The following FCHSD2 variants were observed in gnomAD, a reference collection of about 807,000 sequenced individuals.
FCHSD2 encodes the protein FCH and double SH3 domains 2, also known as F-BAR and double SH3 domains protein 2.
In FCHSD2, 38 loss-of-function variants were observed where a neutral mutation model predicts 108.1. That is an observed-to-expected ratio of 0.35 (90% CI 0.27 to 0.46). The LOEUF is 0.46. Ranked by LOEUF, FCHSD2 falls within the 20% of genes least tolerant of loss-of-function variation. The pLI is 1.00. For synonymous variants in FCHSD2, 279 were observed against 314.7 expected, an observed-to-expected ratio of 0.89 and a Z score of 1.20; for missense variants, 751 against 897.8, an observed-to-expected ratio of 0.84 and a Z score of 2.09.
chr11:72,931,096 ATTTTTT>A (rs36117770), intron 8 of FCHSD2, among the ~76,000 whole-genome samples: 1 of 115,910 alleles, frequency 8.6e-6, no homozygotes, highest in Admixed American at 8.8e-5. Context: ...CAATAATTAA[ATTTTTT>A]TTTTTTTTTT....
intron 14 of FCHSD2, among the ~76,000 whole-genome samples, chr11:72,848,625 C>A (rs1256590717): frequency 6.6e-6 from 1 of 152,166 alleles, no homozygotes; most frequent in Non-Finnish European, 1.5e-5. Context: ...ATATTGGGCA[C>A]TCTATATGTT....
intron 2 of FCHSD2, among the ~76,000 whole-genome samples, chr11:73,106,704 GT>G (rs1021515843): frequency 6.6e-6 from 1 of 152,096 alleles, no homozygotes; most frequent in African/African-American, 2.4e-5. Context: ...TTTATGCTGT[GT>G]TTTTTCTACG....
chr11:73,099,648 G>A (rs1470737674), intron 2 of FCHSD2, among the ~76,000 whole-genome samples: 1 of 152,162 alleles, frequency 6.6e-6, no homozygotes, highest in Non-Finnish European at 1.5e-5. Context: ...TACCGCCCAG[G>A]CACCCCTGAG....
At chr11:72,973,254 C>T (rs1479024350) in intron 8 of FCHSD2, among the ~76,000 whole-genome samples, 2 of 151,976 alleles carry the variant, frequency 1.3e-5, no homozygotes, top group Non-Finnish European at 2.9e-5. Context: ...GTAATCCCAG[C>T]TACTCAGGAG....
intron 18 of FCHSD2, 127 bp from the exon 19 acceptor site, chr11:72,841,086 T>A: frequency 1.4e-6 from 1 of 713,900 alleles, no homozygotes. Context: ...GAGGATTACT[T>A]GAGGCCAGAA....
At chr11:73,117,455 T>C (rs1459833350) in intron 2 of FCHSD2, among the ~76,000 whole-genome samples, 1 of 152,240 alleles carries the variant, frequency 6.6e-6, no homozygotes, top group East Asian at 1.9e-4. Flanking sequence ...ATGAACCCAC[T>C]ACCTTTCAAT....
At chr11:72,961,911 C>T (rs1474316915) in intron 8 of FCHSD2, among the ~76,000 whole-genome samples, 2 of 152,120 alleles carry the variant, frequency 1.3e-5, no homozygotes, top group African/African-American at 2.4e-5. Context: ...TGCCACATTT[C>T]GTAACAAGAA....
chr11:73,056,883 C>G (rs986825092), intron 3 of FCHSD2, among the ~76,000 whole-genome samples: 5 of 152,034 alleles, frequency 3.3e-5, no homozygotes, highest in Non-Finnish European at 5.9e-5. Flanking sequence ...GAGATTGAGA[C>G]CATCCTGGCT....
At chr11:73,087,232 A>C (rs960706240) in intron 2 of FCHSD2, among the ~76,000 whole-genome samples, 2 of 152,184 alleles carry the variant, frequency 1.3e-5, no homozygotes, top group South Asian at 4.1e-4. Context: ...AAAAATAAAA[A>C]TTTGTAAAAA....
chr11:73,058,922 A>G (rs1859097512), intron 3 of FCHSD2, among the ~76,000 whole-genome samples: 1 of 152,126 alleles, frequency 6.6e-6, no homozygotes. Flanking sequence ...ATCACTTACC[A>G]ACCAGAAATA....
intron 4 of FCHSD2, among the ~76,000 whole-genome samples, chr11:73,012,710 A>ATC (rs1273328524): frequency 6.6e-6 from 1 of 152,126 alleles, no homozygotes; most frequent in Admixed American, 6.6e-5. Context: ...ATAATTCTTC[A>ATC]TCTCTCTCCC....
At chr11:73,075,908 C>T (rs1859540007) in intron 3 of FCHSD2, among the ~76,000 whole-genome samples, 1 of 152,142 alleles carries the variant, frequency 6.6e-6, no homozygotes, top group African/African-American at 2.4e-5. Context: ...CGCTTGAGTC[C>T]AGGAGTTCGA....
intron 12 of FCHSD2, among the ~76,000 whole-genome samples, chr11:72,876,541 T>A (rs886560122): frequency 8.5e-5 from 13 of 152,364 alleles, no homozygotes; most frequent in Admixed American, 3.3e-4. Flanking sequence ...GAACTTACTA[T>A]GTATAATATC....
At chr11:73,104,014 G>C (rs1565412063) in intron 2 of FCHSD2, among the ~76,000 whole-genome samples, 1 of 152,144 alleles carries the variant, frequency 6.6e-6, no homozygotes, top group African/African-American at 2.4e-5. Context: ...ACAAATAAAT[G>C]TTTTCTGTTA....
At chr11:73,120,339 CA>C (rs1204976653) in intron 2 of FCHSD2, among the ~76,000 whole-genome samples, 1 of 152,180 alleles carries the variant, frequency 6.6e-6, no homozygotes, top group Non-Finnish European at 1.5e-5. Flanking sequence ...CTTTTAAGAA[CA>C]ATGTACATTT....
At chr11:72,980,491 T>C (rs1457985122) in intron 8 of FCHSD2, among the ~76,000 whole-genome samples, 3 of 152,018 alleles carry the variant, frequency 2.0e-5, no homozygotes, top group Admixed American at 2.0e-4. Context: ...CTATGAACTT[T>C]AACGAGGATA....
intron 2 of FCHSD2, among the ~76,000 whole-genome samples, chr11:73,101,251 G>C (rs527306373): frequency 5.9e-5 from 9 of 152,306 alleles, no homozygotes; most frequent in Middle Eastern, 3.4e-3. Context: ...ACAGAAAATA[G>C]ATTGCATAAG....
chr11:72,895,434 T>C (rs1855398101), intron 10 of FCHSD2, among the ~76,000 whole-genome samples: 1 of 152,176 alleles, frequency 6.6e-6, no homozygotes, highest in South Asian at 2.1e-4. Context: ...AGAACATACC[T>C]AGAGGCATGG....
At chr11:73,103,336 T>C (rs1860266897) in intron 2 of FCHSD2, among the ~76,000 whole-genome samples, 1 of 152,200 alleles carries the variant, frequency 6.6e-6, no homozygotes, top group Admixed American at 6.5e-5. Context: ...TAAGTACTAC[T>C]TCAGAACCCG....
Sources: allele counts gnomAD v4.1 joint callset (sites outside exome capture counted in the v4.1 genomes callset), GRCh38; gene constraint gnomAD v4.1.1; transcripts MANE v1.5; gene names NCBI Gene and HGNC (gene_info 2026-07-23, HGNC 2026-07-21).